LRMDA: variants seen among roughly 807,000 people sequenced by gnomAD.
LRMDA encodes leucine rich melanocyte differentiation associated.
LRMDA carries 18 observed loss-of-function variants against 29.8 expected under a neutral mutation model. The ratio of observed to expected loss-of-function variants is 0.60; its 90% CI spans 0.42 to 0.90. LRMDA has a LOEUF of 0.90. LRMDA is among the 40% of genes least tolerant of loss of function. LRMDA has a pLI of 0.00. For synonymous variants in LRMDA, 125 were observed against 109.4 expected, an observed-to-expected ratio of 1.14 and a Z score of -0.89; for missense variants, 273 against 273.9, an observed-to-expected ratio of 1.00 and a Z score of 0.02.
intron 5 of LRMDA, among the ~76,000 whole-genome samples, chr10:76,117,777 A>G (rs973715284): frequency 5.3e-5 from 8 of 152,212 alleles, no homozygotes; most frequent in Non-Finnish European, 8.8e-5. Flanking sequence ...CCAAGAAGAT[A>G]CTTAGCCTTT....
intron 5 of LRMDA, among the ~76,000 whole-genome samples, chr10:76,155,837 CAG>C (rs1269888051): frequency 6.6e-6 from 1 of 152,122 alleles, no homozygotes; most frequent in East Asian, 1.9e-4. Flanking sequence ...CAGGTGTAAA[CAG>C]AGTCATTGAT....
chr10:76,310,115 TA>T (rs1415044085), intron 5 of LRMDA, among the ~76,000 whole-genome samples: 11 of 152,232 alleles, frequency 7.2e-5, no homozygotes, highest in Non-Finnish European at 1.3e-4. Flanking sequence ...CTTGCACAGT[TA>T]CACCTTATCT....
At chr10:75,479,707 A>G (rs939127794) in intron 2 of LRMDA, among the ~76,000 whole-genome samples, 2 of 151,324 alleles carry the variant, frequency 1.3e-5, no homozygotes, top group Admixed American at 1.3e-4. Context: ...CTTGTATTTT[A>G]GTGAGGAGAG....
chr10:76,478,858 C>T (rs560494448), intron 6 of LRMDA, among the ~76,000 whole-genome samples: 6 of 144,146 alleles, frequency 4.2e-5, no homozygotes, highest in South Asian at 4.3e-4. Flanking sequence ...GAGAACACTT[C>T]GACACAGGAA....
chr10:76,060,096 G>A (rs1848680624), intron 5 of LRMDA, among the ~76,000 whole-genome samples: 2 of 152,062 alleles, frequency 1.3e-5, no homozygotes, highest in Admixed American at 6.5e-5. Flanking sequence ...ATTTGTTTTT[G>A]GTGAAAACAG....
At chr10:75,602,571 C>T (rs1257090853) in intron 2 of LRMDA, among the ~76,000 whole-genome samples, 1 of 152,118 alleles carries the variant, frequency 6.6e-6, no homozygotes, top group Non-Finnish European at 1.5e-5. Flanking sequence ...TCCCCCTAGT[C>T]ATTTGGAAAA....
chr10:76,476,917 A>G (rs1423015488), intron 6 of LRMDA, among the ~76,000 whole-genome samples: 2 of 152,294 alleles, frequency 1.3e-5, no homozygotes, highest in East Asian at 1.9e-4. Context: ...AATAAGAGCT[A>G]TTTATGACAA....
intron 2 of LRMDA, among the ~76,000 whole-genome samples, chr10:75,537,702 C>A (rs1356852300): frequency 1.3e-5 from 2 of 152,186 alleles, no homozygotes; most frequent in African/African-American, 2.4e-5. Flanking sequence ...CATTTGCATT[C>A]ATGACTGGGT....
intron 6 of LRMDA, among the ~76,000 whole-genome samples, chr10:76,447,533 T>C (rs1256317989): frequency 6.6e-6 from 1 of 152,182 alleles, no homozygotes; most frequent in Non-Finnish European, 1.5e-5. Context: ...TGTGGCTCCC[T>C]GAGAATCTCA....
chr10:75,558,993 C>T (rs1205899110), intron 2 of LRMDA, among the ~76,000 whole-genome samples: 10 of 150,464 alleles, frequency 6.6e-5, no homozygotes, highest in East Asian at 2.0e-4. Context: ...AATAAACATA[C>T]GTGTGCATGT....
chr10:76,049,430 T>C (rs1489249951), intron 4 of LRMDA, among the ~76,000 whole-genome samples: 1 of 152,256 alleles, frequency 6.6e-6, no homozygotes, highest in Non-Finnish European at 1.5e-5. Context: ...ACAGTAAATA[T>C]GTTCCCATGT....
intron 1 of LRMDA, among the ~76,000 whole-genome samples, 180 bp downstream of exon 1, chr10:75,431,934 G>A (rs1844203307): frequency 6.6e-6 from 1 of 152,082 alleles, no homozygotes; most frequent in African/African-American, 2.4e-5. Flanking sequence ...ACCTCGTTTC[G>A]GGCCTGGCAC....
At chr10:76,426,702 C>T (rs898884602) in intron 6 of LRMDA, among the ~76,000 whole-genome samples, 2 of 152,118 alleles carry the variant, frequency 1.3e-5, no homozygotes, top group Admixed American at 6.5e-5. Context: ...AATGGTATTA[C>T]CTGGGTTTTC....
intron 2 of LRMDA, among the ~76,000 whole-genome samples, chr10:76,017,479 G>A (rs1450983269): frequency 6.6e-6 from 1 of 152,188 alleles, no homozygotes; most frequent in Non-Finnish European, 1.5e-5. Context: ...ATAGCCCAAG[G>A]AAACTAATTT....
chr10:76,085,959 C>T (rs1218424042), intron 5 of LRMDA, among the ~76,000 whole-genome samples: 1 of 152,208 alleles, frequency 6.6e-6, no homozygotes, highest in Non-Finnish European at 1.5e-5. Flanking sequence ...GGGGATCAGT[C>T]ACCAACTCCT....
intron 5 of LRMDA, among the ~76,000 whole-genome samples, chr10:76,312,138 T>A (rs1840637541): frequency 6.6e-6 from 1 of 152,052 alleles, no homozygotes; most frequent in Admixed American, 6.5e-5. Flanking sequence ...GCAGTGCGAG[T>A]CCTTCCCTAC....
At chr10:76,133,210 T>C (rs1452861017) in intron 5 of LRMDA, among the ~76,000 whole-genome samples, 12 of 152,110 alleles carry the variant, frequency 7.9e-5, no homozygotes, top group Admixed American at 7.9e-4. Context: ...AACGCTATGC[T>C]AAGTGTTACT....
At chr10:75,563,560 C>T (rs1840328789) in intron 2 of LRMDA, among the ~76,000 whole-genome samples, 1 of 152,176 alleles carries the variant, frequency 6.6e-6, no homozygotes, top group Non-Finnish European at 1.5e-5. Context: ...CAGCTTTGTT[C>T]CGTTGCTGGT....
chr10:76,039,285 A>G (rs1848303535), intron 3 of LRMDA, among the ~76,000 whole-genome samples: 1 of 152,208 alleles, frequency 6.6e-6, no homozygotes. Flanking sequence ...TTTACTTTAT[A>G]TTTGTGATAA....
Sources: gnomAD v4.1 joint callset for allele counts (sites outside exome capture counted in the v4.1 genomes callset) on GRCh38, gnomAD v4.1.1 for gene constraint, MANE v1.5 for transcripts, NCBI Gene and HGNC (gene_info 2026-07-23, HGNC 2026-07-21) for gene names.